Variants in ZBTB20 observed in about 807,000 individuals in gnomAD.
ZBTB20 encodes the protein zinc finger and BTB domain-containing protein 20.
ZBTB20 carries 9 observed loss-of-function variants against 56.9 expected under a neutral mutation model. The observed-to-expected ratio is 0.16, with a 90% CI of 0.10 to 0.28. ZBTB20 has a LOEUF of 0.28. Among genes scored for constraint, ZBTB20 ranks in the 10% least tolerant of loss-of-function variants. ZBTB20 has a pLI of 1.00. For synonymous variants in ZBTB20, 417 were observed against 420.7 expected, an observed-to-expected ratio of 0.99 and a Z score of 0.11; for missense variants, 655 against 1,003.0, an observed-to-expected ratio of 0.65 and a Z score of 4.69.
At chr3:114,381,736 T>C (rs2084368843) in intron 8 of ZBTB20, among the ~76,000 whole-genome samples, 1 of 152,258 alleles carries the variant, frequency 6.6e-6, no homozygotes. Context: ...CCTCGCAGAA[T>C]ATGGTGTTAT....
intron 4 of ZBTB20, among the ~76,000 whole-genome samples, chr3:114,851,343 T>C (rs779215821): frequency 2.7e-4 from 41 of 152,332 alleles, no homozygotes; most frequent in Admixed American, 2.4e-3. Context: ...ACACAATTTA[T>C]TTATTTTAGT....
chr3:114,891,134 T>C (rs2107629238), intron 4 of ZBTB20, among the ~76,000 whole-genome samples: 1 of 152,314 alleles, frequency 6.6e-6, no homozygotes, highest in East Asian at 1.9e-4. Flanking sequence ...TTGGTATGGC[T>C]GTCAAAGTAC....
chr3:114,692,559 C>T (rs2062762033), intron 6 of ZBTB20, among the ~76,000 whole-genome samples: 2 of 152,098 alleles, frequency 1.3e-5, no homozygotes, highest in African/African-American at 2.4e-5. Flanking sequence ...CATGACTAAA[C>T]AGGCCTAGAT....
intron 2 of ZBTB20, among the ~76,000 whole-genome samples, chr3:115,040,692 C>A (rs2081106559): frequency 6.6e-6 from 1 of 152,100 alleles, no homozygotes; most frequent in East Asian, 1.9e-4. Context: ...TGGGTTTAAT[C>A]TTGGGCACAA....
At chr3:114,842,955 G>T (rs1247990599) in intron 4 of ZBTB20, among the ~76,000 whole-genome samples, 1 of 152,164 alleles carries the variant, frequency 6.6e-6, no homozygotes, top group Non-Finnish European at 1.5e-5. Context: ...TGGAGCAAGG[G>T]GGGCGATTTT....
At chr3:114,894,824 T>C (rs999873685) in intron 4 of ZBTB20, among the ~76,000 whole-genome samples, 2 of 152,310 alleles carry the variant, frequency 1.3e-5, no homozygotes, top group African/African-American at 2.4e-5. Context: ...CCACCAAGTT[T>C]GTGGTCCTTT....
chr3:114,803,163 T>C (rs1198147143), intron 4 of ZBTB20, among the ~76,000 whole-genome samples: 1 of 150,982 alleles, frequency 6.6e-6, no homozygotes, highest in Non-Finnish European at 1.5e-5. Flanking sequence ...GTGAGGGTAA[T>C]GAGGCTCAAA....
At chr3:114,953,017 A>C (rs2077124454) in intron 3 of ZBTB20, among the ~76,000 whole-genome samples, 1 of 152,124 alleles carries the variant, frequency 6.6e-6, no homozygotes, top group Non-Finnish European at 1.5e-5. Context: ...GCAAAATTAC[A>C]ACATTATCTG....
At position 114,416,257 on chromosome 3, in the gene ZBTB20, CACTT is replaced by C. The variant is rs371276556; in HGVS notation, c.-254-27156_-254-27153del. ...GAACTTGTGAAAATAAAAATTGAGA[CACTT>C]AATAATATCAACCACCTGATCATTG... is the stretch of plus-strand genomic sequence containing the variant. On this transcript the variant is annotated intron_variant, in intron 7 of 11. Transcript: ENST00000675478. Among the ~76,000 whole-genome samples the C allele has an allele frequency of 1.1e-3, 163 of 150,466 alleles. 1 individual carries two copies. The highest frequency in any genetic ancestry group is 3.8e-3 in the African/African-American group (155 of 40,840).
chr3:114,679,511 C>A (rs1033646778), intron 6 of ZBTB20, among the ~76,000 whole-genome samples: 8 of 151,828 alleles, frequency 5.3e-5, no homozygotes, highest in Non-Finnish European at 1.0e-4. Flanking sequence ...GATAATTATG[C>A]GGCCAAAAAA....
chr3:114,692,159 G>A (rs2062735079), intron 6 of ZBTB20, among the ~76,000 whole-genome samples: 1 of 152,152 alleles, frequency 6.6e-6, no homozygotes, highest in East Asian at 1.9e-4. Context: ...TTTGTGATGA[G>A]ATCATTTTGT....
intron 1 of ZBTB20, among the ~76,000 whole-genome samples, chr3:115,107,572 G>A (rs2083759094): frequency 6.6e-6 from 1 of 152,210 alleles, no homozygotes; most frequent in Non-Finnish European, 1.5e-5. Context: ...AACCATTGTG[G>A]AAGACAGTGT....
intron 6 of ZBTB20, among the ~76,000 whole-genome samples, chr3:114,532,151 C>G (rs140942847): frequency 0.017 from 2,520 of 152,312 alleles, 38 homozygotes; most frequent in Non-Finnish European, 0.027. Flanking sequence ...ACTCACTACC[C>G]TGGAATGGGG....
chr3:115,013,337 A>G (rs1426157788), intron 2 of ZBTB20, among the ~76,000 whole-genome samples: 1 of 151,688 alleles, frequency 6.6e-6, no homozygotes, highest in Non-Finnish European at 1.5e-5. Context: ...AAAATCAGAG[A>G]TGTAAAAGGA....
chr3:114,926,777 A>C (rs2076173175), intron 3 of ZBTB20, among the ~76,000 whole-genome samples: 1 of 152,210 alleles, frequency 6.6e-6, no homozygotes, highest in Non-Finnish European at 1.5e-5. Context: ...ATTGTCTAAC[A>C]ATCAATCTGT....
intron 6 of ZBTB20, among the ~76,000 whole-genome samples, chr3:114,532,900 A>G (rs1051180922): frequency 6.6e-6 from 1 of 152,224 alleles, no homozygotes; most frequent in African/African-American, 2.4e-5. Context: ...CAGAGATGCC[A>G]GACTGTTAGA....
chr3:114,800,729 T>C (rs1241153198), intron 5 of ZBTB20, among the ~76,000 whole-genome samples: 1 of 149,884 alleles, frequency 6.7e-6, no homozygotes, highest in East Asian at 2.0e-4. Flanking sequence ...AAAGAAATCT[T>C]TTACCTTCAG....
chr3:114,900,234 T>C (rs1181454172), intron 4 of ZBTB20, 70 bp downstream of exon 4: 1 of 152,140 alleles, frequency 6.6e-6, no homozygotes, highest in Admixed American at 6.6e-5. Context: ...GCAATTTTAA[T>C]ACATAAAAAT....
chr3:114,401,083 G>GACACACACAC (rs201829025), intron 7 of ZBTB20, among the ~76,000 whole-genome samples: 11,663 of 132,954 alleles, frequency 0.088, 683 homozygotes, highest in Non-Finnish European at 0.1. Flanking sequence ...CTACCTCCCA[G>GACACACACAC]ACACACACAC....
Sources: gnomAD v4.1 joint callset for allele counts (sites outside exome capture counted in the v4.1 genomes callset) on GRCh38, gnomAD v4.1.1 for gene constraint, MANE v1.5 for transcripts, NCBI Gene and HGNC (gene_info 2026-07-23, HGNC 2026-07-21) for gene names.